Variants in UBE2K observed in about 807,000 individuals in gnomAD.
UBE2K encodes the protein ubiquitin-conjugating enzyme E2 K.
Under a neutral mutation model 30.0 loss-of-function variants are expected in UBE2K, and 6 were observed. That is an observed-to-expected ratio of 0.20 (90% CI 0.11 to 0.39). UBE2K has a LOEUF of 0.39. Ranked by LOEUF, UBE2K falls within the 10% of genes least tolerant of loss-of-function variation. The probability of loss-of-function intolerance (pLI) is 1.00; values close to 1 mark genes in which losing one functional copy is unlikely to be tolerated. For synonymous variants in UBE2K, 86 were observed against 83.7 expected, an observed-to-expected ratio of 1.03 and a Z score of -0.15; for missense variants, 61 against 241.6, an observed-to-expected ratio of 0.25 and a Z score of 4.96.
chr4:39,738,864 A>G (rs988728362), intron 2 of UBE2K, among the ~76,000 whole-genome samples: 1 of 151,930 alleles, frequency 6.6e-6, no homozygotes. Context: ...TAGTAGAGAC[A>G]GGGTTTCACA....
At chr4:39,732,928 G>A (rs182787444) in intron 1 of UBE2K, among the ~76,000 whole-genome samples, 300 of 151,558 alleles carry the variant, frequency 2.0e-3, no homozygotes, top group Non-Finnish European at 3.1e-3. Context: ...CATCTGCCTC[G>A]GCCTCCTAGA....
rs139579536 is a variant in UBE2K, at chr4:39,716,068, T to C, written c.63+17678T>C. Among the ~76,000 whole-genome samples the C allele has an allele frequency of 9.2e-5, 14 of 152,322 alleles. No homozygotes were observed. In the East Asian group the frequency reaches 2.7e-3, roughly 29 times the overall value. ...ATTTCCATCTTAGAACTCTCCTCCTTTGGTTGCTCTGATACTGCTCTTTTC... is the reference window on the plus strand; with the variant it reads ...ATTTCCATCTTAGAACTCTCCTCCTCTGGTTGCTCTGATACTGCTCTTTTC... On this transcript the variant is annotated intron_variant, in intron 1 of 6. Coordinates refer to ENST00000261427, the MANE Select transcript of UBE2K (RefSeq NM_005339.5).
At chr4:39,745,364 T>A (rs941804607) in intron 2 of UBE2K, among the ~76,000 whole-genome samples, 2 of 152,178 alleles carry the variant, frequency 1.3e-5, no homozygotes, top group African/African-American at 4.8e-5. Context: ...CTCCTTGCCT[T>A]CTTTTTTTTT....
chr4:39,741,758 T>C (rs2109355323), intron 2 of UBE2K, among the ~76,000 whole-genome samples: 1 of 152,304 alleles, frequency 6.6e-6, no homozygotes, highest in South Asian at 2.1e-4. Flanking sequence ...CTTTTCTTCC[T>C]AAAATTTCTT....
intron 4 of UBE2K, among the ~76,000 whole-genome samples, chr4:39,763,394 G>A (rs1447341033): frequency 6.6e-6 from 1 of 152,168 alleles, no homozygotes; most frequent in East Asian, 1.9e-4. Flanking sequence ...TGGGATTACA[G>A]GCATGTGCCA....
intron 1 of UBE2K, among the ~76,000 whole-genome samples, chr4:39,718,540 G>A (rs929355687): frequency 3.3e-5 from 5 of 152,372 alleles, no homozygotes; most frequent in African/African-American, 1.2e-4. Context: ...GGCAGTCGAT[G>A]GAACTGGGTG....
intron 4 of UBE2K, among the ~76,000 whole-genome samples, chr4:39,760,781 AAATT>A (rs931301154): frequency 6.6e-5 from 10 of 152,146 alleles, no homozygotes; most frequent in African/African-American, 2.4e-4. Flanking sequence ...CAAAAAATAA[AAATT>A]AAAATTAAAA....
At position 39,779,042 on chromosome 4, in the gene UBE2K, A is replaced by ACCCCCCC. The variant is rs3839130; in HGVS notation, c.*610_*616dup. ...TGGGACAGTGTCTGATTCCCCCTTC[A>ACCCCCCC]CCCCCCCCACCCCCGCCTTGCCACA... is the stretch of plus-strand genomic sequence containing the variant. On this transcript the variant is annotated 3_prime_UTR_variant, in exon 7 of 7. Transcript: ENST00000261427. 7.8e-6 allele frequency: 1 copy of ACCCCCCC among 128,222 alleles called. No individual in the cohort carries two copies. Among genetic ancestry groups the ACCCCCCC allele is most frequent in the Non-Finnish European group, 1.6e-5 (1 of 62,678 alleles). The allele number at this position is 128,222 out of a possible 1,614,324, so 7.9% of individuals were successfully genotyped here. A position where few individuals can be genotyped will look rare whatever the true frequency, so the allele number is the denominator to read the frequency against.
At chr4:39,771,358 C>G in intron 4 of UBE2K, 1 of 1,612,710 alleles carries the variant, frequency 6.2e-7, no homozygotes, top group African/African-American at 1.3e-5. Context: ...CTCCTCTGCC[C>G]GGAGCTTGTT....
intron 3 of UBE2K, among the ~76,000 whole-genome samples, chr4:39,746,913 A>G (rs1278750982): frequency 5.3e-5 from 8 of 152,304 alleles, no homozygotes; most frequent in Admixed American, 1.3e-4. Context: ...TTGGATATGT[A>G]TCTTTCTCTA....
chr4:39,771,393 G>C (rs1712821630), intron 4 of UBE2K: 6 of 1,611,702 alleles, frequency 3.7e-6, no homozygotes, highest in African/African-American at 2.7e-5. Flanking sequence ...TAGCGGCCTA[G>C]TGGCCGGGCA....
chr4:39,759,948 G>C (rs1711783265), intron 4 of UBE2K, among the ~76,000 whole-genome samples: 1 of 152,072 alleles, frequency 6.6e-6, no homozygotes, highest in Non-Finnish European at 1.5e-5. Context: ...GGCCAAGGTA[G>C]GTGGATTGCT....
At chr4:39,776,990 T>C (rs2109417577) in intron 5 of UBE2K, among the ~76,000 whole-genome samples, 1 of 152,304 alleles carries the variant, frequency 6.6e-6, no homozygotes, top group African/African-American at 2.4e-5. Context: ...TAGATTTAAA[T>C]ATATAAATTA....
At chr4:39,754,874 G>A (rs1280211570) in intron 3 of UBE2K, among the ~76,000 whole-genome samples, 1 of 152,146 alleles carries the variant, frequency 6.6e-6, no homozygotes, top group Non-Finnish European at 1.5e-5. Context: ...GGGCTCAGCT[G>A]GTCATTGTCA....
intron 1 of UBE2K, among the ~76,000 whole-genome samples, chr4:39,708,019 C>T (rs1718465035): frequency 2.6e-5 from 4 of 151,978 alleles, no homozygotes; most frequent in Admixed American, 2.6e-4. Flanking sequence ...GCCTCAGTCT[C>T]CCGAGAAGCT....
intron 1 of UBE2K, among the ~76,000 whole-genome samples, chr4:39,736,898 A>G (rs1720409776): frequency 1.3e-5 from 2 of 152,248 alleles, no homozygotes; most frequent in South Asian, 4.1e-4. Context: ...AGCTTTCACC[A>G]TTCTGGTGGA....
chr4:39,700,541 G>T (rs192118584), intron 1 of UBE2K, among the ~76,000 whole-genome samples: 42 of 152,186 alleles, frequency 2.8e-4, no homozygotes, highest in African/African-American at 9.9e-4. Flanking sequence ...AGTATTTTTT[G>T]ATATTTTAGT....
intron 2 of UBE2K, among the ~76,000 whole-genome samples, chr4:39,738,401 A>G (rs1421225706): frequency 1.3e-5 from 2 of 152,244 alleles, no homozygotes. Context: ...AGCACAACTG[A>G]TAGCCTTTGT....
intron 4 of UBE2K, among the ~76,000 whole-genome samples, chr4:39,759,796 C>T (rs899884384): frequency 2.0e-5 from 3 of 152,168 alleles, no homozygotes; most frequent in African/African-American, 4.8e-5. Context: ...CATCATTACT[C>T]ATCAGGGAAA....
Sources: allele counts gnomAD v4.1 joint callset (sites outside exome capture counted in the v4.1 genomes callset), GRCh38; gene constraint gnomAD v4.1.1; transcripts MANE v1.5; gene names NCBI Gene and HGNC (gene_info 2026-07-23, HGNC 2026-07-21).